The following RIMKLB variants were observed in gnomAD, a reference collection of about 807,000 sequenced individuals.
The protein encoded by RIMKLB is ribosomal modification protein rimK like family member B.
In RIMKLB, 7 loss-of-function variants were observed where a neutral mutation model predicts 32.0. The observed-to-expected ratio is 0.22, with a 90% CI of 0.12 to 0.41. The LOEUF is 0.41. Among genes scored for constraint, RIMKLB ranks in the 10% least tolerant of loss-of-function variants. The probability of loss-of-function intolerance (pLI) is 1.00; values close to 1 mark genes in which losing one functional copy is unlikely to be tolerated. For synonymous variants in RIMKLB, 172 were observed against 185.1 expected, an observed-to-expected ratio of 0.93 and a Z score of 0.57; for missense variants, 289 against 498.7, an observed-to-expected ratio of 0.58 and a Z score of 4.00.
intron 5 of RIMKLB, among the ~76,000 whole-genome samples, chr12:8,764,328 T>C (rs1949776770): frequency 6.6e-6 from 1 of 152,166 alleles, no homozygotes; most frequent in Admixed American, 6.5e-5. Flanking sequence ...TAGGGGACAA[T>C]AAACGGGTGT....
At chr12:8,754,245 T>G (rs997437766) in intron 5 of RIMKLB, 152 bp downstream of exon 5, 6 of 620,156 alleles carry the variant, frequency 9.7e-6, no homozygotes, top group African/African-American at 1.9e-5. Flanking sequence ...ATGCCATCAA[T>G]GTAATTAAAC....
chr12:8,746,278 C>T lies in RIMKLB; in HGVS notation c.176-3584C>T, dbSNP rs1052373028. ...ATTTTTAGAATGCTCTTTAGATTTG[C>T]TTATCTAGGCAAGTCACTGCTAACG... On this transcript the variant is annotated intron_variant, in intron 2 of 5. Transcript: ENST00000535829. 3.3e-5 allele frequency among the ~76,000 whole-genome samples: 5 copies of T among 151,598 alleles called. No individual in the cohort carries two copies. In the East Asian group the frequency reaches 9.7e-4, roughly 29 times the overall value.
chr12:8,682,493 C>T (rs1363669468), intron 1 of RIMKLB, among the ~76,000 whole-genome samples: 1 of 152,102 alleles, frequency 6.6e-6, no homozygotes, highest in East Asian at 1.9e-4. Context: ...TGGGAAATGG[C>T]CGGGTGCGGT....
At chr12:8,693,889 G>A (rs989126720), upstream of RIMKLB, among the ~76,000 whole-genome samples, 5 of 152,102 alleles carry the variant, frequency 3.3e-5, no homozygotes, top group Non-Finnish European at 5.9e-5. Flanking sequence ...GTGCCTGGAC[G>A]CCAATGCTGA....
chr12:8,695,850 C>T (rs143206824), upstream of RIMKLB, among the ~76,000 whole-genome samples: 263 of 152,226 alleles, frequency 1.7e-3, no homozygotes, highest in African/African-American at 6.1e-3. Context: ...TGCGCTATCA[C>T]GCCTGGCTAA....
At chr12:8,748,379 T>A (rs928252765) in intron 2 of RIMKLB, among the ~76,000 whole-genome samples, 1 of 152,062 alleles carries the variant, frequency 6.6e-6, no homozygotes, top group African/African-American at 2.4e-5. Context: ...CTATGCCTAA[T>A]TTATAAATTA....
At chr12:8,770,667 TTC>T (rs1223923883) in intron 5 of RIMKLB, among the ~76,000 whole-genome samples, 2 of 152,316 alleles carry the variant, frequency 1.3e-5, no homozygotes, top group East Asian at 1.9e-4. Context: ...GCTTTTTCTA[TTC>T]TCTCATTCAA....
At chr12:8,695,002 A>G (rs73053867), upstream of RIMKLB, among the ~76,000 whole-genome samples, 27,200 of 152,178 alleles carry the variant, frequency 0.18, 3,179 homozygotes, top group Non-Finnish European at 0.26. Context: ...TCATCCTTCT[A>G]TCTTAATAAA....
intron 5 of RIMKLB, among the ~76,000 whole-genome samples, chr12:8,754,702 C>T (rs1333199190): frequency 6.6e-6 from 1 of 152,138 alleles, no homozygotes; most frequent in African/African-American, 2.4e-5. Context: ...GAATTGCTTA[C>T]TCAGTATCTC....
chr12:8,756,719 T>C (rs1949069456), intron 5 of RIMKLB, among the ~76,000 whole-genome samples: 1 of 143,648 alleles, frequency 7.0e-6, no homozygotes, highest in Admixed American at 7.2e-5. Context: ...TCTGATGGAG[T>C]CTTGCTCTGC....
chr12:8,674,233 T>TCC, the RIMKLB span, among the ~76,000 whole-genome samples: 404 of 143,938 alleles, frequency 2.8e-3, 2 homozygotes, highest in East Asian at 9.4e-3. Context: ...TTTTTTTTTT[T>TCC]TTTTTCCTTT....
chr12:8,777,467 C>G (rs946868788), downstream of RIMKLB: 4 of 1,111,342 alleles, frequency 3.6e-6, no homozygotes, highest in Middle Eastern at 4.2e-4. Flanking sequence ...CTGCCTAACT[C>G]TAGTGAAAAT....
In RIMKLB at chr12:8,761,745, C is replaced by T. The variant is rs898554741; in HGVS notation, c.697+7652C>T. ...AATCCAGCTAGTCCTGTCTGTCAGTCCCCCCTCTCAACAGGAAAACCCAAG... is the reference window on the plus strand; with the variant it reads ...AATCCAGCTAGTCCTGTCTGTCAGTTCCCCCTCTCAACAGGAAAACCCAAG... On this transcript the variant is annotated intron_variant, in intron 5 of 5. Coordinates refer to ENST00000535829, the MANE Select transcript of RIMKLB (RefSeq NM_001297776.2). Among the ~76,000 whole-genome samples, 8 of 152,162 alleles carry T rather than the reference C, an allele frequency of 5.3e-5. No homozygotes were observed. The South Asian group carries it at 1.5e-3, about 28-fold the overall frequency.
At chr12:8,698,692 C>T (rs1253074010) in intron 1 of RIMKLB, among the ~76,000 whole-genome samples, 3 of 151,342 alleles carry the variant, frequency 2.0e-5, no homozygotes, top group Non-Finnish European at 2.9e-5. Flanking sequence ...CTCGGGATTG[C>T]GGCGACACTC....
chr12:8,691,279 C>T (rs577045943), intron 1 of RIMKLB, among the ~76,000 whole-genome samples: 1 of 152,044 alleles, frequency 6.6e-6, no homozygotes, highest in African/African-American at 2.4e-5. Context: ...GCATGTGCCA[C>T]CACACTTGGC....
chr12:8,711,014 C>T (rs942996576), intron 1 of RIMKLB, among the ~76,000 whole-genome samples: 8 of 150,602 alleles, frequency 5.3e-5, no homozygotes, highest in Non-Finnish European at 8.9e-5. Flanking sequence ...TGTTGGCTCA[C>T]GCCTATAATT....
At position 8,753,990 on chromosome 12, in the gene RIMKLB, G is replaced by A. The variant is rs1461022472; in HGVS notation, c.594G>A (p.Glu198=). 6.2e-7 allele frequency: 1 copy of A among 1,613,964 alleles called. No homozygotes were observed. Among genetic ancestry groups the A allele is most frequent in the Admixed American group, 1.7e-5 (1 of 60,008 alleles). ...ACCTGTTCCAGAAGTATGTTAAAGA[G>A]TCTCATGGACGGGATGTACGTGTCA... ...APYLFQKYVK[E]SHGRDVRVIV... The change falls in exon 5 of 6, where the codon GAG becomes GAA. Residue 198 remains glutamate, a synonymous_variant. Transcript: ENST00000535829.
intron 2 of RIMKLB, among the ~76,000 whole-genome samples, chr12:8,735,753 G>A (rs1321323206): frequency 6.6e-6 from 1 of 150,950 alleles, no homozygotes; most frequent in Non-Finnish European, 1.5e-5. Flanking sequence ...TTTTTAAGAC[G>A]TAGTTTCGCT....
upstream of RIMKLB, among the ~76,000 whole-genome samples, chr12:8,676,725 T>G (rs1035305707): frequency 2.6e-5 from 4 of 152,072 alleles, no homozygotes; most frequent in African/African-American, 4.8e-5. Context: ...ATATTTATTT[T>G]TACATATCTA....
Sources: allele counts gnomAD v4.1 joint callset (sites outside exome capture counted in the v4.1 genomes callset), GRCh38; gene constraint gnomAD v4.1.1; transcripts MANE v1.5; gene names NCBI Gene and HGNC (gene_info 2026-07-23, HGNC 2026-07-21).